Variants in PAPOLG observed in about 807,000 individuals in gnomAD.
PAPOLG encodes PAP-gamma.
In PAPOLG, 40 loss-of-function variants were observed where a neutral mutation model predicts 99.0. The ratio of observed to expected loss-of-function variants is 0.40; its 90% CI spans 0.31 to 0.53. The LOEUF (loss-of-function observed/expected upper bound fraction) is 0.53, where lower values mean the gene tolerates loss of function less well. PAPOLG is among the 20% of genes least tolerant of loss of function. The pLI is 0.41. For missense variants in PAPOLG, 675 were observed against 884.1 expected (o/e 0.76, Z 3.00); for synonymous variants, 310 against 299.3 (o/e 1.04, Z -0.37).
chr2:60,760,006 C>A, intron 1 of PAPOLG, 128 bp from the exon 2 acceptor site: 1 of 875,474 alleles, frequency 1.1e-6, no homozygotes, highest in Non-Finnish European at 1.7e-6. Flanking sequence ...AAAGTGTCTG[C>A]CACTACTGTT....
At position 60,780,696 on chromosome 2, in the gene PAPOLG, A is replaced by G. The variant is rs1352836232; in HGVS notation, c.834-11A>G. ...GATCATGTGTAAGTTAATTTGCCTT[A>G]TTCATGTCAGGGAATGGCCAAATCC... On this transcript the variant is annotated splice_polypyrimidine_tract_variant and intron_variant, in intron 9 of 21. Transcript: ENST00000238714. 9.3e-6 allele frequency: 15 copies of G among 1,613,324 alleles called. No homozygotes were observed. In the South Asian group the frequency reaches 1.4e-4, roughly 15 times the overall value.
At position 60,797,526 on chromosome 2, in the gene PAPOLG, G is replaced by GTTTT. The variant is rs766458681; in HGVS notation, c.*368_*371dup. 8 of 169,864 alleles carry GTTTT rather than the reference G, an allele frequency of 4.7e-5. No individual in the cohort carries two copies. The highest frequency in any genetic ancestry group is 5.0e-5 in the Non-Finnish European group (4 of 80,440). 10.5% of individuals were successfully genotyped at this position (169,864 alleles called of 1,614,324 possible). A position where few individuals can be genotyped will look rare whatever the true frequency, so the allele number is the denominator to read the frequency against. The stretch of plus-strand genomic sequence containing the variant: ...ACTCCTTTTTTGTTTTGTTTTTTGT[G>GTTTT]TTTTTCTTTTTTTGTCTTATGTTGT... On this transcript the variant is annotated 3_prime_UTR_variant, in exon 22 of 22. Transcript: ENST00000238714.
At chr2:60,783,596 C>T (rs1301342682) in intron 13 of PAPOLG, among the ~76,000 whole-genome samples, 3 of 149,010 alleles carry the variant, frequency 2.0e-5, no homozygotes, top group African/African-American at 5.0e-5. Flanking sequence ...CTGCAACCTC[C>T]GCCTCCTGGG....
intron 1 of PAPOLG, among the ~76,000 whole-genome samples, chr2:60,757,552 A>C (rs1350346767): frequency 3.3e-5 from 5 of 152,206 alleles, no homozygotes; most frequent in Admixed American, 3.3e-4. Flanking sequence ...GGAATTCTGT[A>C]ACTTCTTTAG....
At chr2:60,756,629 C>A in intron 1 of PAPOLG, 134 bp downstream of exon 1, 1 of 998,304 alleles carries the variant, frequency 1.0e-6, no homozygotes, top group Non-Finnish European at 1.4e-6. Context: ...TTCCCGGCTC[C>A]CGGCCGGTCC....
intron 3 of PAPOLG, among the ~76,000 whole-genome samples, chr2:60,762,833 A>T (rs1670559851): frequency 6.6e-6 from 1 of 151,634 alleles, no homozygotes; most frequent in Non-Finnish European, 1.5e-5. Flanking sequence ...CATCATGTTG[A>T]CCAGGCTGGT....
At chr2:60,794,535 A>C in intron 19 of PAPOLG, 175 bp from the exon 20 acceptor site, 3 of 629,324 alleles carry the variant, frequency 4.8e-6, no homozygotes, top group Non-Finnish European at 8.1e-6. Context: ...CCCAAACTGT[A>C]GAAATTAACG....
Position 60,775,090 on chromosome 2 carries a change from C to G in PAPOLG, c.661C>G (p.Leu221Val). 1 of 1,613,404 alleles carries G rather than the reference C, an allele frequency of 6.2e-7. No homozygotes were observed. The highest frequency in any genetic ancestry group is 8.5e-7 in the Non-Finnish European group (1 of 1,179,768). Residue 221 changes from leucine to valine, a missense_variant, in exon 8 of 22, where the codon CTC becomes GTC. Physicochemically the swap from Leu to Val is conservative, Grantham distance 32. Transcript: ENST00000238714. ...AGTGCCAAATAAAGAAACTTTTAGA[C>G]TCACCCTAAGAGCTGTCAAATTATG... Reference protein sequence around the residue: ...HLVPNKETFRLTLRAVKLWAK... With the variant: ...HLVPNKETFRVTLRAVKLWAK...
In PAPOLG at chr2:60,799,277, T is replaced by C. The variant is rs529488723; in HGVS notation, c.*2117T>C. On this transcript the variant is annotated 3_prime_UTR_variant, in exon 22 of 22. Transcript: ENST00000238714. ...TTGGAGTGACTAGTGGAGTTTTTCT[T>C]TAATAAGGAAGCAACAAGTCTAACC... The C allele has an allele frequency of 1.6e-4, 24 of 152,522 alleles. No homozygotes were observed. Among genetic ancestry groups the C allele is most frequent in the African/African-American group, 5.8e-4 (24 of 41,594 alleles). The allele number at this position is 152,522 out of a possible 1,614,324, so 9.4% of individuals were successfully genotyped here.
Position 60,760,093 on chromosome 2 carries a change from C to T in PAPOLG, c.18-41C>T, listed in dbSNP as rs749647480. On this transcript the variant is annotated intron_variant, in intron 1 of 21. Transcript: ENST00000238714. ...ATTCAGTGTATCAGTATGGTATATA[C>T]TTTAAATTTTTTGTTTCATTTTTCT... 5 of 1,585,868 alleles carry T rather than the reference C, an allele frequency of 3.2e-6. 1 individual carries two copies. The highest frequency in any genetic ancestry group is 2.3e-5 in the South Asian group (2 of 88,442).
At chr2:60,766,712 A>T (rs1171365276) in intron 3 of PAPOLG, among the ~76,000 whole-genome samples, 1 of 149,574 alleles carries the variant, frequency 6.7e-6, no homozygotes, top group East Asian at 2.0e-4. Flanking sequence ...AAAACAAAAG[A>T]TGCCCAGAAA....
chr2:60,770,898 C>G (rs748028620), intron 6 of PAPOLG, among the ~76,000 whole-genome samples: 1 of 152,200 alleles, frequency 6.6e-6, no homozygotes, highest in Non-Finnish European at 1.5e-5. Context: ...GCTGGGATTA[C>G]AGGCATGAGC....
intron 21 of PAPOLG, 117 bp downstream of exon 21, chr2:60,795,137 G>A: frequency 2.3e-6 from 2 of 861,706 alleles, no homozygotes; most frequent in East Asian, 2.5e-5. Flanking sequence ...TTTTGTCCCT[G>A]TCCCCAAGGA....
At chr2:60,773,699 G>T in intron 7 of PAPOLG, among the ~76,000 whole-genome samples, 1 of 111,462 alleles carries the variant, frequency 9.0e-6, no homozygotes, top group Admixed American at 8.3e-5. Flanking sequence ...ACTATAAAAT[G>T]TGAAAAAAAA....
rs200954680 is a variant in PAPOLG, at chr2:60,797,104, C to G, written c.2155C>G (p.Pro719Ala). 203 of 1,613,904 alleles carry G rather than the reference C, an allele frequency of 1.3e-4. No homozygotes were observed. The highest frequency in any genetic ancestry group is 1.7e-4 in the Non-Finnish European group (195 of 1,179,810). ...KELPDSSSPV[P>A]ANNIRVIKNS... ...ACTACCAGATTCATCATCTCCAGTT[C>G]CAGCAAACAACATCCGTGTCATCAA... Residue 719 changes from proline (P) to alanine (A), a missense_variant, in exon 22 of 22, where the codon CCA becomes GCA. Pro to Ala is a conservative substitution (Grantham distance 27). This residue lies in a region of PAPOLG where 413 missense variants were observed against 460.5 expected (regional missense o/e 0.90). Transcript: ENST00000238714.
In PAPOLG at chr2:60,793,637, G is replaced by A. The variant is rs1671609015; in HGVS notation, c.1690G>A (p.Glu564Lys). Reference sequence around the variant, plus strand: ...TAACACTTTCATTAGGAATAGTGCTGAGCCTGCTGCTGTAATTGTGGAGAA... The same window carrying A: ...TAACACTTTCATTAGGAATAGTGCTAAGCCTGCTGCTGTAATTGTGGAGAA... ...SVGETERNSA[E>K]PAAVIVEKPL... Residue 564 changes from glutamate to lysine, a missense_variant, in exon 18 of 22, where the codon GAG becomes AAG. Glu to Lys is a moderately conservative substitution (Grantham distance 56). Coordinates refer to ENST00000238714, the MANE Select transcript of PAPOLG (RefSeq NM_022894.4). 2 of 1,613,830 alleles carry A rather than the reference G, an allele frequency of 1.2e-6. No individual in the cohort carries two copies. Among genetic ancestry groups the A allele is most frequent in the South Asian group, 2.2e-5 (2 of 91,034 alleles).
At chr2:60,761,622 A>T (rs1558674569) in intron 2 of PAPOLG, 119 bp from the exon 3 acceptor site, 3 of 788,112 alleles carry the variant, frequency 3.8e-6, no homozygotes, top group East Asian at 5.3e-5. Context: ...TAGCATTATC[A>T]CATATATGTT....
In PAPOLG at chr2:60,756,298, A is replaced by G. The variant is rs1321214905; in HGVS notation, c.-181A>G. On this transcript the variant is annotated 5_prime_UTR_variant, in exon 1 of 22. Coordinates refer to ENST00000238714, the MANE Select transcript of PAPOLG (RefSeq NM_022894.4). ...CGTCGGCCGCGCTGTATTGTCATAA[A>G]TAGAGCCGGTTTTGTGGTGTTTTCA... 8.2e-6 allele frequency: 6 copies of G among 734,524 alleles called. No homozygotes were observed. The highest frequency in any genetic ancestry group is 1.6e-5 in the South Asian group (1 of 61,902). 45.5% of individuals were successfully genotyped at this position (734,524 alleles called of 1,614,324 possible).
intron 10 of PAPOLG, 140 bp from the exon 11 acceptor site, chr2:60,781,745 G>A (rs1409998302): frequency 1.8e-6 from 2 of 1,089,076 alleles, no homozygotes; most frequent in Non-Finnish European, 2.6e-6. Flanking sequence ...AAATGCAGTT[G>A]GGGAGGGAAA....
Sources: gnomAD v4.1 joint callset for allele counts (sites outside exome capture counted in the v4.1 genomes callset) on GRCh38, gnomAD v4.1.1 for gene constraint, gnomAD v4.1.1 regional missense constraint, MANE v1.5 for transcripts, NCBI Gene and HGNC (gene_info 2026-07-23, HGNC 2026-07-21) for gene names.